PATJ: variants seen among roughly 807,000 people sequenced by gnomAD.
PATJ encodes the protein PATJ crumbs cell polarity complex component, also known as inaD-like protein.
PATJ carries 190 observed loss-of-function variants against 224.9 expected under a neutral mutation model. That is an observed-to-expected ratio of 0.84 (90% CI 0.75 to 0.95). The LOEUF (loss-of-function observed/expected upper bound fraction) is 0.95. Ranked by LOEUF, PATJ falls within the 40% of genes least tolerant of loss-of-function variation. PATJ has a pLI of 0.00. For synonymous variants in PATJ, 769 were observed against 820.3 expected, an observed-to-expected ratio of 0.94 and a Z score of 1.07; for missense variants, 2,121 against 2,270.3, an observed-to-expected ratio of 0.93 and a Z score of 1.34.
intron 27 of PATJ, among the ~76,000 whole-genome samples, chr1:61,959,088 T>TGG (rs1246132060): frequency 5.9e-5 from 9 of 152,100 alleles, no homozygotes; most frequent in African/African-American, 2.2e-4. Context: ...ATCTTTATTA[T>TGG]ATCATCCATA....
chr1:61,896,240 GACCCA>G (rs1670344073), intron 22 of PATJ, among the ~76,000 whole-genome samples: 1 of 150,472 alleles, frequency 6.6e-6, no homozygotes. Flanking sequence ...AGGTTGCAAT[GACCCA>G]AGATTGCACC....
chr1:62,039,766 C>G (rs1651109918), intron 30 of PATJ, among the ~76,000 whole-genome samples: 1 of 152,138 alleles, frequency 6.6e-6, no homozygotes, highest in African/African-American at 2.4e-5. Context: ...AAACCTGGCA[C>G]TTTTAAAAGG....
At chr1:62,107,026 G>A (rs530210422) in intron 33 of PATJ, among the ~76,000 whole-genome samples, 19 of 151,338 alleles carry the variant, frequency 1.3e-4, no homozygotes, top group East Asian at 2.0e-4. Context: ...TGTCCCTCTC[G>A]GCTGGGTGCA....
intron 27 of PATJ, among the ~76,000 whole-genome samples, chr1:61,968,185 A>G (rs570082153): frequency 6.6e-6 from 1 of 152,270 alleles, no homozygotes; most frequent in Non-Finnish European, 1.5e-5. Flanking sequence ...CTGCATCTTT[A>G]TTAAACTCAT....
intron 17 of PATJ, among the ~76,000 whole-genome samples, chr1:61,841,020 A>G (rs1259217240): frequency 6.6e-6 from 1 of 152,146 alleles, no homozygotes; most frequent in African/African-American, 2.4e-5. Context: ...AAGTGATAGC[A>G]ATATATAACT....
intron 7 of PATJ, among the ~76,000 whole-genome samples, chr1:61,782,082 A>G (rs1271707436): frequency 6.6e-6 from 1 of 151,214 alleles, no homozygotes; most frequent in East Asian, 1.9e-4. Flanking sequence ...GGTGTTCAGG[A>G]GAGACTACAC....
At chr1:61,979,546 A>G (rs1399337904) in intron 27 of PATJ, among the ~76,000 whole-genome samples, 1 of 151,726 alleles carries the variant, frequency 6.6e-6, no homozygotes, top group East Asian at 1.9e-4. Flanking sequence ...CCAGCTAGTC[A>G]GGAGGCTGAG....
chr1:61,824,329 T>C (rs1657832224), intron 15 of PATJ, among the ~76,000 whole-genome samples: 1 of 151,262 alleles, frequency 6.6e-6, no homozygotes, highest in African/African-American at 2.4e-5. Flanking sequence ...TCTCCCAAAG[T>C]GCTGGGATTA....
chr1:62,066,989 G>A (rs1001782072), intron 31 of PATJ, among the ~76,000 whole-genome samples: 3 of 152,086 alleles, frequency 2.0e-5, no homozygotes, highest in Non-Finnish European at 4.4e-5. Context: ...TTCTACACTA[G>A]TGATGTTATC....
chr1:61,775,458 TA>T, intron 7 of PATJ, 124 bp downstream of exon 7: 1 of 770,808 alleles, frequency 1.3e-6, no homozygotes, highest in East Asian at 2.8e-5. Flanking sequence ...AAGTATAGCT[TA>T]AAAATGATTT....
intron 22 of PATJ, among the ~76,000 whole-genome samples, chr1:61,897,819 C>T (rs1484481109): frequency 2.7e-5 from 4 of 150,656 alleles, no homozygotes; most frequent in Admixed American, 6.7e-5. Flanking sequence ...GAGAAAAAGA[C>T]GTTAGAAAGT....
chr1:61,854,714 A>C lies in PATJ; in HGVS notation c.2113-1316A>C, dbSNP rs1234320286. Among the ~76,000 whole-genome samples, 4 of 152,162 alleles carry C rather than the reference A, an allele frequency of 2.6e-5. No homozygotes were observed. The East Asian group carries it at 7.7e-4, about 29-fold the overall frequency. ...GACAATAAATTTGCCTACATCCTGG[A>C]GATGTAAGGATTAGATAAGTTAGTG... is the stretch of plus-strand genomic sequence containing the variant. On this transcript the variant is annotated intron_variant, in intron 17 of 43. Transcript: ENST00000642238.
chr1:61,770,615 C>T (rs1646545065), intron 5 of PATJ, among the ~76,000 whole-genome samples: 1 of 152,186 alleles, frequency 6.6e-6, no homozygotes, highest in Middle Eastern at 3.4e-3. Flanking sequence ...CCCTGGCTAG[C>T]AGTTGGGAGA....
At chr1:61,869,825 C>A (rs1317967937) in intron 20 of PATJ, among the ~76,000 whole-genome samples, 1 of 152,226 alleles carries the variant, frequency 6.6e-6, no homozygotes, top group Non-Finnish European at 1.5e-5. Context: ...GCGTTCACCC[C>A]TCATGGGAGG....
chr1:61,759,361 C>A (rs1311366191), intron 1 of PATJ, among the ~76,000 whole-genome samples: 1 of 152,036 alleles, frequency 6.6e-6, no homozygotes, highest in African/African-American at 2.4e-5. Context: ...AACCCTTTCC[C>A]CCTCATCCCC....
chr1:62,110,516 C>T (rs1663673464), intron 34 of PATJ, among the ~76,000 whole-genome samples: 1 of 152,136 alleles, frequency 6.6e-6, no homozygotes. Flanking sequence ...TTAGAACATG[C>T]CAGATTTTGC....
rs1054467681 is a variant in PATJ at position 62,108,615 on chromosome 1, C to G, written c.4461+95C>G. 6 of 604,182 alleles carry G rather than the reference C, an allele frequency of 9.9e-6. No individual in the cohort carries two copies. The African/African-American group carries it at 1.1e-4, about 11-fold the overall frequency. The allele number at this position is 604,182 out of a possible 1,614,324, so 37.4% of individuals were successfully genotyped here. On this transcript the variant is annotated intron_variant, in intron 34 of 43. Coordinates refer to ENST00000642238, the MANE Select transcript of PATJ (RefSeq NM_001350145.3). Reference sequence around the variant, plus strand: ...GTCTTTCTACTCAACTGTATTTTCACTGATTCCTCTCCCATTTAACAAAAT... The same window carrying G: ...GTCTTTCTACTCAACTGTATTTTCAGTGATTCCTCTCCCATTTAACAAAAT...
chr1:61,999,201 T>G (rs572530883), intron 28 of PATJ, among the ~76,000 whole-genome samples: 1 of 152,292 alleles, frequency 6.6e-6, no homozygotes, highest in East Asian at 1.9e-4. Flanking sequence ...TTCCCCCATG[T>G]CTTCCATAAC....
chr1:61,930,811 G>A (rs185765832), intron 27 of PATJ, among the ~76,000 whole-genome samples: 42 of 152,214 alleles, frequency 2.8e-4, no homozygotes, highest in Middle Eastern at 3.4e-3. Flanking sequence ...GGGTTCAAGC[G>A]ATTCTCCTGC....
Sources: gnomAD v4.1 joint callset for allele counts (sites outside exome capture counted in the v4.1 genomes callset) on GRCh38, gnomAD v4.1.1 for gene constraint, MANE v1.5 for transcripts, NCBI Gene and HGNC (gene_info 2026-07-23, HGNC 2026-07-21) for gene names.